The following CCDC3 variants were observed in gnomAD, a reference collection of about 807,000 sequenced individuals.
CCDC3 encodes coiled-coil domain-containing protein 3.
CCDC3 carries 24 observed loss-of-function variants against 21.4 expected under a neutral mutation model. That is an observed-to-expected ratio of 1.12 (90% CI 0.81 to 1.58). CCDC3 has a LOEUF of 1.58. CCDC3 is among the 40% of genes most tolerant of loss of function. CCDC3 has a pLI of 0.00. For synonymous variants in CCDC3, 186 were observed against 166.0 expected (o/e 1.12, Z -0.93); for missense variants, 425 against 360.9 (o/e 1.18, Z -1.44).
At chr10:13,031,527 A>G (rs1416711611) in intron 5 of CCDC3, among the ~76,000 whole-genome samples, 1 of 152,222 alleles carries the variant, frequency 6.6e-6, no homozygotes, top group South Asian at 2.1e-4. Context: ...GAGACACAAA[A>G]AAACCTTCAA....
intron 4 of CCDC3, among the ~76,000 whole-genome samples, chr10:13,054,707 G>T (rs780752779): frequency 6.6e-6 from 1 of 151,976 alleles, no homozygotes; most frequent in Non-Finnish European, 1.5e-5. Flanking sequence ...CCCTCTTGTT[G>T]CCCAGGCTGG....
At chr10:12,938,658 T>G (rs1834775786) in intron 2 of CCDC3, among the ~76,000 whole-genome samples, 1 of 152,240 alleles carries the variant, frequency 6.6e-6, no homozygotes, top group African/African-American at 2.4e-5. Context: ...AGAACACTGC[T>G]TGGCACACAG....
At chr10:12,970,287 G>A (rs1314711576) in intron 2 of CCDC3, among the ~76,000 whole-genome samples, 1 of 152,090 alleles carries the variant, frequency 6.6e-6, no homozygotes, top group African/African-American at 2.4e-5. Flanking sequence ...ACACTATTAT[G>A]GTGGTTCAAT....
At chr10:13,011,193 A>AC (rs1478832370) in intron 5 of CCDC3, among the ~76,000 whole-genome samples, 1 of 151,470 alleles carries the variant, frequency 6.6e-6, no homozygotes, top group Non-Finnish European at 1.5e-5. Context: ...AAGAAAAAAA[A>AC]AAAAAAACCT....
At position 13,033,150 on chromosome 10, in the gene CCDC3, C is replaced by T. The variant is rs1034854173; in HGVS notation, c.-2+16524G>A. On this transcript the variant is annotated intron_variant, in intron 5 of 6. Transcript: ENST00000378839. ...ACTGGTACCAAAACAGAGATATAGA[C>T]CAATGGAACAGAACAGAGCCCTCAG... 1.7e-3 allele frequency among the ~76,000 whole-genome samples: 257 copies of T among 152,218 alleles called. 13 individuals carry two copies. Among genetic ancestry groups the T allele is most frequent in the Non-Finnish European group, 3.8e-4 (26 of 68,006 alleles).
intron 3 of CCDC3, among the ~76,000 whole-genome samples, chr10:13,096,333 A>G (rs1832629104): frequency 6.6e-6 from 1 of 152,026 alleles, no homozygotes; most frequent in Admixed American, 6.5e-5. Flanking sequence ...ACAGGCACGC[A>G]CCACTACTGC....
chr10:13,088,985 G>A (rs1564344933), intron 3 of CCDC3, among the ~76,000 whole-genome samples: 1 of 151,590 alleles, frequency 6.6e-6, no homozygotes, highest in Non-Finnish European at 1.5e-5. Context: ...ACTCCAGCCT[G>A]GGTGACAGAG....
chr10:12,997,644 T>C (rs1835782897), intron 2 of CCDC3, among the ~76,000 whole-genome samples: 1 of 152,216 alleles, frequency 6.6e-6, no homozygotes, highest in Admixed American at 6.5e-5. Flanking sequence ...CCTCAGCACT[T>C]TTCCTTTCCT....
intron 2 of CCDC3, among the ~76,000 whole-genome samples, chr10:12,909,175 C>CCAGTTAATT (rs1564279225): frequency 2.6e-5 from 4 of 152,158 alleles, no homozygotes. Flanking sequence ...CCAGTCACGG[C>CCAGTTAATT]CAGTTAATTC....
At chr10:12,916,309 G>A (rs937993968) in intron 2 of CCDC3, among the ~76,000 whole-genome samples, 7 of 151,808 alleles carry the variant, frequency 4.6e-5, no homozygotes, top group Admixed American at 4.6e-4. Flanking sequence ...GTGCATGCCT[G>A]TAATCCCAGC....
chr10:12,942,009 C>A (rs1029789188), intron 2 of CCDC3, among the ~76,000 whole-genome samples: 4 of 152,142 alleles, frequency 2.6e-5, no homozygotes, highest in Non-Finnish European at 4.4e-5. Flanking sequence ...TTTACCTATA[C>A]CCTTCTTTCT....
intron 5 of CCDC3, among the ~76,000 whole-genome samples, chr10:13,030,435 A>G (rs1213814106): frequency 1.3e-5 from 2 of 152,216 alleles, no homozygotes; most frequent in African/African-American, 4.8e-5. Context: ...TGCATCAACT[A>G]ATGAGCAAAA....
chr10:12,943,436 C>G (rs997051191), intron 2 of CCDC3, among the ~76,000 whole-genome samples: 14 of 152,172 alleles, frequency 9.2e-5, no homozygotes, highest in Non-Finnish European at 4.4e-5. Context: ...TCCCTTTTAA[C>G]AAAAAGCAGC....
At chr10:12,920,105 A>G (rs999247856) in intron 2 of CCDC3, among the ~76,000 whole-genome samples, 2 of 152,196 alleles carry the variant, frequency 1.3e-5, no homozygotes, top group Non-Finnish European at 2.9e-5. Context: ...TGGGTAATTT[A>G]TAAAGAAAAA....
chr10:12,983,127 A>AATATATATAT (rs1564308414), intron 2 of CCDC3, among the ~76,000 whole-genome samples: 1 of 47,836 alleles, frequency 2.1e-5, no homozygotes, highest in Non-Finnish European at 4.3e-5. Flanking sequence ...TAAATAAAAT[A>AATATATATAT]GTGTATATAT....
At chr10:12,967,175 C>T (rs1447849998) in intron 2 of CCDC3, among the ~76,000 whole-genome samples, 1 of 152,176 alleles carries the variant, frequency 6.6e-6, no homozygotes, top group East Asian at 1.9e-4. Flanking sequence ...ACTTTTGTGC[C>T]ATTCCATAAA....
chr10:13,021,748 A>AT (rs761979583), intron 5 of CCDC3, among the ~76,000 whole-genome samples: 4 of 150,542 alleles, frequency 2.7e-5, no homozygotes, highest in African/African-American at 9.9e-5. Flanking sequence ...CCTCTCCTCT[A>AT]TTTTTTGTTT....
At chr10:13,042,376 G>A (rs1364329617) in intron 5 of CCDC3, among the ~76,000 whole-genome samples, 1 of 152,248 alleles carries the variant, frequency 6.6e-6, no homozygotes, top group Non-Finnish European at 1.5e-5. Flanking sequence ...GCAAGAATGA[G>A]TCAGGGAATG....
intron 2 of CCDC3, among the ~76,000 whole-genome samples, chr10:12,937,237 T>C (rs12263249): frequency 0.13 from 19,412 of 152,060 alleles, 1,323 homozygotes; most frequent in African/African-American, 0.19. Flanking sequence ...GACCCTGTAT[T>C]TTCCCGTTTG....
Sources: allele counts gnomAD v4.1 joint callset (sites outside exome capture counted in the v4.1 genomes callset), GRCh38; gene constraint gnomAD v4.1.1; transcripts MANE v1.5; gene names NCBI Gene and HGNC (gene_info 2026-07-23, HGNC 2026-07-21).